Variants in CNTN3 observed in about 807,000 individuals in gnomAD.
CNTN3 encodes the protein contactin 3.
Under a neutral mutation model 119.1 loss-of-function variants are expected in CNTN3, and 60 were observed. The ratio of observed to expected loss-of-function variants is 0.50; its 90% CI spans 0.41 to 0.62. CNTN3 has a LOEUF of 0.62. Ranked by LOEUF, CNTN3 falls within the 20% of genes least tolerant of loss-of-function variation. The pLI is 0.00. For synonymous variants in CNTN3, 450 were observed against 438.7 expected (o/e 1.03, Z -0.32); for missense variants, 1,101 against 1,242.4 (o/e 0.89, Z 1.71).
At chr3:74,312,175 C>T (rs1448245082) in intron 13 of CNTN3, among the ~76,000 whole-genome samples, 13 of 151,944 alleles carry the variant, frequency 8.6e-5, no homozygotes, top group Admixed American at 7.2e-4. Flanking sequence ...GACCTCAGGC[C>T]GGACGTGGTG....
At chr3:74,614,061 G>A (rs944476887) in intron 1 of CNTN3, among the ~76,000 whole-genome samples, 1 of 152,036 alleles carries the variant, frequency 6.6e-6, no homozygotes, top group African/African-American at 2.4e-5. Context: ...GCATCCCTAG[G>A]AGTCACAACT....
At chr3:74,555,178 T>A (rs1704050984) in intron 1 of CNTN3, among the ~76,000 whole-genome samples, 1 of 152,182 alleles carries the variant, frequency 6.6e-6, no homozygotes, top group Admixed American at 6.5e-5. Flanking sequence ...AATCATGTGG[T>A]TTTTGTCATT....
intron 1 of CNTN3, among the ~76,000 whole-genome samples, chr3:74,591,051 C>T (rs918656983): frequency 1.3e-5 from 2 of 151,936 alleles, no homozygotes; most frequent in African/African-American, 4.8e-5. Context: ...CAAGCAGATG[C>T]AAGCATTGGC....
intron 1 of CNTN3, among the ~76,000 whole-genome samples, chr3:74,609,582 C>G (rs1344614366): frequency 1.3e-5 from 2 of 152,108 alleles, no homozygotes; most frequent in African/African-American, 4.8e-5. Context: ...CCATTTTGGA[C>G]AACATTGGTT....
intron 13 of CNTN3, among the ~76,000 whole-genome samples, chr3:74,324,713 T>TTA (rs1703086608): frequency 6.6e-6 from 1 of 152,146 alleles, no homozygotes; most frequent in Non-Finnish European, 1.5e-5. Flanking sequence ...TCTCCTAGCT[T>TTA]TATATCCCAC....
intron 4 of CNTN3, among the ~76,000 whole-genome samples, chr3:74,474,578 C>G (rs1309023628): frequency 6.6e-6 from 1 of 152,064 alleles, no homozygotes; most frequent in Non-Finnish European, 1.5e-5. Flanking sequence ...ACTGCAACCT[C>G]CATCTCCCAA....
At chr3:74,528,400 GGAGT>G (rs1703649806) in intron 1 of CNTN3, among the ~76,000 whole-genome samples, 1 of 151,850 alleles carries the variant, frequency 6.6e-6, no homozygotes, top group South Asian at 2.1e-4. Flanking sequence ...TAACTTTTAT[GGAGT>G]GCCCATTATG....
At chr3:74,355,950 C>T (rs1703925235) in intron 11 of CNTN3, among the ~76,000 whole-genome samples, 1 of 151,998 alleles carries the variant, frequency 6.6e-6, no homozygotes, top group Non-Finnish European at 1.5e-5. Context: ...AAAATGGAGG[C>T]CCATTGAACA....
chr3:74,608,221 A>G (rs1472556174), intron 1 of CNTN3, among the ~76,000 whole-genome samples: 3 of 152,236 alleles, frequency 2.0e-5, no homozygotes, highest in African/African-American at 7.2e-5. Flanking sequence ...TTTCTGCAGA[A>G]ACATCAGAAG....
chr3:74,448,068 G>A (rs995804366), intron 4 of CNTN3, among the ~76,000 whole-genome samples: 15 of 152,102 alleles, frequency 9.9e-5, no homozygotes, highest in Non-Finnish European at 2.2e-4. Flanking sequence ...TGTCTTCTAT[G>A]CTATGTGCAG....
intron 13 of CNTN3, among the ~76,000 whole-genome samples, chr3:74,326,196 T>C (rs1020480315): frequency 1.3e-5 from 2 of 152,140 alleles, no homozygotes; most frequent in African/African-American, 4.8e-5. Context: ...GGTGCTTTTA[T>C]GTAGGCCTCA....
chr3:74,497,182 T>C (rs1479693292), intron 3 of CNTN3, among the ~76,000 whole-genome samples: 1 of 152,020 alleles, frequency 6.6e-6, no homozygotes, highest in African/African-American at 2.4e-5. Flanking sequence ...CCTTTTTATG[T>C]CCTCGATGTC....
intron 9 of CNTN3, 148 bp downstream of exon 9, chr3:74,365,418 G>T: frequency 1.0e-6 from 1 of 987,960 alleles, no homozygotes; most frequent in Non-Finnish European, 1.5e-6. Flanking sequence ...TTTTCCTCCT[G>T]TACCACTGCT....
At chr3:74,473,823 C>T (rs934537244) in intron 4 of CNTN3, among the ~76,000 whole-genome samples, 1 of 152,104 alleles carries the variant, frequency 6.6e-6, no homozygotes, top group Non-Finnish European at 1.5e-5. Context: ...AAAACATTCA[C>T]AGCACCTAAA....
intron 11 of CNTN3, among the ~76,000 whole-genome samples, chr3:74,348,766 A>C (rs1353234667): frequency 6.6e-6 from 1 of 152,152 alleles, no homozygotes; most frequent in Non-Finnish European, 1.5e-5. Flanking sequence ...AGATGATAAA[A>C]TGATTGTTGC....
At chr3:74,335,547 C>T (rs957417231) in intron 12 of CNTN3, among the ~76,000 whole-genome samples, 2 of 152,082 alleles carry the variant, frequency 1.3e-5, no homozygotes, top group South Asian at 2.1e-4. Flanking sequence ...CTTTGCACTA[C>T]GTTGGACCAA....
At chr3:74,440,997 C>G (rs1286542579) in intron 4 of CNTN3, among the ~76,000 whole-genome samples, 1 of 152,078 alleles carries the variant, frequency 6.6e-6, no homozygotes, top group Non-Finnish European at 1.5e-5. Flanking sequence ...CCATGGACAC[C>G]TAAGGATGAC....
intron 1 of CNTN3, among the ~76,000 whole-genome samples, chr3:74,597,707 T>A (rs1028248393): frequency 6.6e-6 from 1 of 152,042 alleles, no homozygotes; most frequent in Non-Finnish European, 1.5e-5. Context: ...GCTTACAATG[T>A]TAAAAGCCGT....
chr3:74,278,527 A>G (rs1028755021), intron 20 of CNTN3, among the ~76,000 whole-genome samples: 1 of 152,192 alleles, frequency 6.6e-6, no homozygotes, highest in African/African-American at 2.4e-5. Flanking sequence ...CTTTTCAACA[A>G]ATGGTGCTGA....
Sources: gnomAD v4.1 joint callset for allele counts (sites outside exome capture counted in the v4.1 genomes callset) on GRCh38, gnomAD v4.1.1 for gene constraint, MANE v1.5 for transcripts, NCBI Gene and HGNC (gene_info 2026-07-23, HGNC 2026-07-21) for gene names.